The following THSD7B variants were observed in gnomAD, a reference collection of about 807,000 sequenced individuals.
The protein encoded by THSD7B is thrombospondin type 1 domain containing 7B.
A neutral mutation model predicts 213.6 loss-of-function variants in THSD7B; 138 were observed. The ratio of observed to expected loss-of-function variants is 0.65; its 90% CI spans 0.56 to 0.74. The LOEUF (loss-of-function observed/expected upper bound fraction) is 0.74, where lower values mean the gene tolerates loss of function less well. Ranked by LOEUF, THSD7B falls within the 30% of genes least tolerant of loss-of-function variation. The pLI is 0.00. For missense variants in THSD7B, 1,931 were observed against 1,991.5 expected, an observed-to-expected ratio of 0.97 and a Z score of 0.58; for synonymous variants, 742 against 687.0, an observed-to-expected ratio of 1.08 and a Z score of -1.25.
chr2:137,372,684 TTTTTATTTTA>T (rs1305878186), intron 12 of THSD7B, among the ~76,000 whole-genome samples: 4 of 151,992 alleles, frequency 2.6e-5, no homozygotes, highest in African/African-American at 9.6e-5. Context: ...GCCAGGGTTC[TTTTTATTTTA>T]TTTTATTTTA....
chr2:137,347,413 G>T (rs544633876), intron 12 of THSD7B, among the ~76,000 whole-genome samples: 1 of 151,638 alleles, frequency 6.6e-6, no homozygotes, highest in Non-Finnish European at 1.5e-5. Context: ...ATAATTTATA[G>T]TTATGGAAGA....
intron 2 of THSD7B, among the ~76,000 whole-genome samples, chr2:136,883,170 T>C (rs946945780): frequency 6.6e-6 from 1 of 152,148 alleles, no homozygotes; most frequent in Non-Finnish European, 1.5e-5. Flanking sequence ...AAATGTGATG[T>C]TATAGAAGAT....
At chr2:137,237,146 C>T (rs1681783643) in intron 9 of THSD7B, among the ~76,000 whole-genome samples, 1 of 147,622 alleles carries the variant, frequency 6.8e-6, no homozygotes, top group African/African-American at 2.5e-5. Context: ...CTGAAGCCTA[C>T]AGTGAGGCCA....
intron 12 of THSD7B, among the ~76,000 whole-genome samples, chr2:137,318,786 C>CTTTTTTTTTTTTTTTT (rs70978212): frequency 2.7e-5 from 2 of 73,684 alleles, no homozygotes; most frequent in Non-Finnish European, 4.5e-5. Flanking sequence ...GAATGCTTAT[C>CTTTTTTTTTTTTTTTT]TTTTTTTTTT....
chr2:137,330,348 G>A (rs544808673), intron 12 of THSD7B, among the ~76,000 whole-genome samples: 132 of 152,260 alleles, frequency 8.7e-4, no homozygotes, highest in South Asian at 5.4e-3. Context: ...AACTTGCACC[G>A]TGCACCTGGA....
intron 1 of THSD7B, among the ~76,000 whole-genome samples, chr2:136,785,449 G>C (rs1235536125): frequency 9.5e-6 from 1 of 105,464 alleles, no homozygotes; most frequent in Non-Finnish European, 1.9e-5. Flanking sequence ...GAGGGCGCAG[G>C]GGCCACTTTC....
At chr2:137,518,538 A>G (rs1380814730) in intron 15 of THSD7B, among the ~76,000 whole-genome samples, 3 of 152,212 alleles carry the variant, frequency 2.0e-5, no homozygotes, top group African/African-American at 7.2e-5. Flanking sequence ...ATGTGGATGG[A>G]ACTCTCTGAG....
At chr2:137,399,391 C>A (rs1464107256) in intron 12 of THSD7B, among the ~76,000 whole-genome samples, 1 of 152,020 alleles carries the variant, frequency 6.6e-6, no homozygotes, top group African/African-American at 2.4e-5. Flanking sequence ...TGGGGTTTCA[C>A]CATGTTGGCC....
At chr2:136,963,228 C>G (rs566790686) in intron 2 of THSD7B, among the ~76,000 whole-genome samples, 8 of 152,226 alleles carry the variant, frequency 5.3e-5, no homozygotes, top group Admixed American at 5.2e-4. Flanking sequence ...GTCCTTCCAT[C>G]TTATTTTTCA....
At chr2:137,529,712 TA>T (rs998603329) in intron 15 of THSD7B, among the ~76,000 whole-genome samples, 10 of 151,758 alleles carry the variant, frequency 6.6e-5, no homozygotes, top group African/African-American at 2.4e-4. Flanking sequence ...AGATTATGGT[TA>T]AAAAAATCAT....
chr2:137,124,183 C>CTCATCTTCA (rs1448015285), intron 5 of THSD7B, among the ~76,000 whole-genome samples: 1 of 152,196 alleles, frequency 6.6e-6, no homozygotes, highest in East Asian at 1.9e-4. Context: ...GAGCGTCTCG[C>CTCATCTTCA]TCATCTTCAT....
intron 6 of THSD7B, among the ~76,000 whole-genome samples, chr2:137,162,273 A>G (rs561085549): frequency 6.6e-6 from 1 of 152,180 alleles, no homozygotes; most frequent in African/African-American, 2.4e-5. Flanking sequence ...TCTCTATATT[A>G]GGTTCAATTT....
chr2:137,215,584 A>G (rs1464495948), intron 7 of THSD7B, among the ~76,000 whole-genome samples: 1 of 152,156 alleles, frequency 6.6e-6, no homozygotes, highest in East Asian at 1.9e-4. Context: ...TTTTAAAATG[A>G]TGACTGAACG....
intron 12 of THSD7B, among the ~76,000 whole-genome samples, chr2:137,340,114 C>A (rs899125788): frequency 2.0e-5 from 3 of 151,790 alleles, no homozygotes; most frequent in African/African-American, 7.3e-5. Flanking sequence ...GAATCACTCT[C>A]CTTTTTATAG....
chr2:137,261,133 A>G (rs1682435944), intron 10 of THSD7B, among the ~76,000 whole-genome samples: 1 of 152,070 alleles, frequency 6.6e-6, no homozygotes, highest in South Asian at 2.1e-4. Flanking sequence ...TTTAAGCACT[A>G]CAATAAGACC....
intron 17 of THSD7B, among the ~76,000 whole-genome samples, chr2:137,596,978 T>C (rs1201729143): frequency 6.6e-6 from 1 of 152,082 alleles, no homozygotes; most frequent in Non-Finnish European, 1.5e-5. Context: ...CCACATGTGG[T>C]GATTAGTTTC....
chr2:137,539,486 T>G (rs1680567925), intron 15 of THSD7B, among the ~76,000 whole-genome samples: 1 of 151,752 alleles, frequency 6.6e-6, no homozygotes, highest in African/African-American at 2.4e-5. Context: ...CTTCATCAAA[T>G]TGTTCAAGTT....
At chr2:137,666,042 G>T (rs1179457956) in intron 26 of THSD7B, among the ~76,000 whole-genome samples, 1 of 152,124 alleles carries the variant, frequency 6.6e-6, no homozygotes, top group Non-Finnish European at 1.5e-5. Context: ...GAATTGAGAG[G>T]TTGGTGGGAA....
intron 2 of THSD7B, among the ~76,000 whole-genome samples, chr2:136,981,163 A>G (rs912498791): frequency 1.5e-4 from 23 of 152,192 alleles, no homozygotes; most frequent in Non-Finnish European, 8.8e-5. Flanking sequence ...GGTAAAATGT[A>G]CTGATAAATT....
Sources: gnomAD v4.1 joint callset for allele counts (sites outside exome capture counted in the v4.1 genomes callset) on GRCh38, gnomAD v4.1.1 for gene constraint, MANE v1.5 for transcripts, NCBI Gene and HGNC (gene_info 2026-07-23, HGNC 2026-07-21) for gene names.